The following NSD3 variants were observed in gnomAD, a reference collection of about 807,000 sequenced individuals.
NSD3 encodes nuclear receptor binding SET domain protein 3.
Under a neutral mutation model 160.8 loss-of-function variants are expected in NSD3, and 24 were observed. The ratio of observed to expected loss-of-function variants is 0.15; its 90% CI spans 0.11 to 0.21. The LOEUF is 0.21. Among genes scored for constraint, NSD3 ranks in the 10% least tolerant of loss-of-function variants. The pLI, the probability that NSD3 is intolerant of heterozygous loss-of-function variation, is 1.00. For missense variants in NSD3, 1,157 were observed against 1,735.9 expected, an observed-to-expected ratio of 0.67 and a Z score of 5.93; for synonymous variants, 520 against 600.0, an observed-to-expected ratio of 0.87 and a Z score of 1.95.
chr8:38,376,702 G>A (rs1448255369), intron 1 of NSD3, among the ~76,000 whole-genome samples: 1 of 152,184 alleles, frequency 6.6e-6, no homozygotes, highest in African/African-American at 2.4e-5. Flanking sequence ...CCCGCAAAGT[G>A]CTGGGGTTAC....
intron 20 of NSD3, among the ~76,000 whole-genome samples, chr8:38,280,520 T>C (rs1353399128): frequency 6.6e-6 from 1 of 152,232 alleles, no homozygotes; most frequent in Non-Finnish European, 1.5e-5. Flanking sequence ...AGAGATATGA[T>C]AGCCTAGAAC....
chr8:38,327,143 G>C (rs1191475064), intron 6 of NSD3, among the ~76,000 whole-genome samples: 3 of 151,150 alleles, frequency 2.0e-5, no homozygotes. Context: ...CTACCACCTG[G>C]GTTCAAGTGA....
rs746738836 is a variant in NSD3, at chr8:38,329,735, C to A, written c.1224G>T (p.Lys408Asn). The A allele has an allele frequency of 3.7e-6, 6 of 1,614,152 alleles. No individual in the cohort carries two copies. The Admixed American group carries it at 6.7e-5, about 18-fold the overall frequency. ...TAACTTCGGTTTTGGAGGCAACACTCTTTTTTGCTTGGGATAAAGCCTCTT... is the reference window on the plus strand; with the variant it reads ...TAACTTCGGTTTTGGAGGCAACACTATTTTTTGCTTGGGATAAAGCCTCTT... ...QPEEALSQAK[K>N]SVASKTEVKK... Residue 408 changes from lysine (K) to asparagine (N), a missense_variant, in exon 6 of 24, where the codon AAG (lysine) becomes AAT (asparagine). Around this residue, in one of 10 missense-constraint regions of NSD3, gnomAD observed 168 missense variants for 208.1 expected, o/e 0.81. Coordinates refer to ENST00000317025, the MANE Select transcript of NSD3 (RefSeq NM_023034.2). This position sits in a 1 kb window ranked among gnomAD's most constrained non-coding sequence, Gnocchi z 4.8.
At chr8:38,358,776 G>A (rs1810885983) in intron 1 of NSD3, among the ~76,000 whole-genome samples, 1 of 151,948 alleles carries the variant, frequency 6.6e-6, no homozygotes, top group African/African-American at 2.4e-5. Flanking sequence ...TACACGCAAA[G>A]CCCCCCTAAA....
intron 12 of NSD3, among the ~76,000 whole-genome samples, chr8:38,307,848 G>A (rs1298766348): frequency 6.6e-6 from 1 of 151,994 alleles, no homozygotes; most frequent in Non-Finnish European, 1.5e-5. Context: ...AAAACAATGT[G>A]GTTATGTTTT....
At chr8:38,337,957 A>T (rs1402765385) in intron 3 of NSD3, among the ~76,000 whole-genome samples, 4 of 152,206 alleles carry the variant, frequency 2.6e-5, no homozygotes, top group African/African-American at 7.2e-5. Flanking sequence ...CAAATACTGA[A>T]GATAGGATTG....
intron 16 of NSD3, among the ~76,000 whole-genome samples, chr8:38,291,961 T>C (rs1432813296): frequency 6.6e-6 from 1 of 152,242 alleles, no homozygotes; most frequent in African/African-American, 2.4e-5. Flanking sequence ...CTGACCTAGA[T>C]ATAAGATCTC....
At chr8:38,305,112 G>T in intron 13 of NSD3, 136 bp downstream of exon 13, 1 of 843,604 alleles carries the variant, frequency 1.2e-6, no homozygotes, top group Non-Finnish European at 1.8e-6. Flanking sequence ...TACTGTGTAT[G>T]TACTGTGGCT....
chr8:38,289,996 G>A (rs1808962477), intron 17 of NSD3, among the ~76,000 whole-genome samples: 2 of 152,060 alleles, frequency 1.3e-5, no homozygotes, highest in Non-Finnish European at 2.9e-5. Flanking sequence ...TGGGCAGATC[G>A]CTTGAACCCA....
intron 1 of NSD3, among the ~76,000 whole-genome samples, chr8:38,359,541 C>G (rs1226085188): frequency 6.6e-6 from 1 of 152,146 alleles, no homozygotes; most frequent in Non-Finnish European, 1.5e-5. Flanking sequence ...AAACCAACCA[C>G]CTGGTTCTAA....
intron 1 of NSD3, among the ~76,000 whole-genome samples, chr8:38,372,335 G>C (rs1811266147): frequency 6.6e-6 from 1 of 151,924 alleles, no homozygotes; most frequent in African/African-American, 2.4e-5. Flanking sequence ...GTTATTCATC[G>C]GTAAGGTACT....
chr8:38,298,461 CA>C (rs1292129579), intron 15 of NSD3, among the ~76,000 whole-genome samples: 7 of 152,072 alleles, frequency 4.6e-5, no homozygotes, highest in African/African-American at 1.7e-4. Context: ...AGATGTCTGA[CA>C]AAGAGCAAAG....
At chr8:38,309,334 G>A (rs946806578) in intron 12 of NSD3, among the ~76,000 whole-genome samples, 2 of 152,080 alleles carry the variant, frequency 1.3e-5, no homozygotes, top group South Asian at 2.1e-4. Context: ...CGGGCGTGGT[G>A]GTGTGTGCTT....
Position 38,317,264 on chromosome 8 carries a change from A to C in NSD3, c.1856-1222T>G. On this transcript the variant is annotated intron_variant, in intron 9 of 23. Coordinates refer to ENST00000317025, the MANE Select transcript of NSD3 (RefSeq NM_023034.2). The surrounding 1 kb of genome is among the most constrained non-coding windows in gnomAD (Gnocchi z 5.3). Reference sequence around the variant, plus strand: ...CAAGTTTTTCACTGAATGTTTCCTGACATCTATAAATGAGGGTGCCTGCCC... The same window carrying C: ...CAAGTTTTTCACTGAATGTTTCCTGCCATCTATAAATGAGGGTGCCTGCCC... 1 of 1,061,092 alleles carries C rather than the reference A, an allele frequency of 9.4e-7. No individual in the cohort carries two copies. The highest frequency in any genetic ancestry group is 1.1e-6 in the Non-Finnish European group (1 of 876,462). The allele number at this position is 1,061,092 out of a possible 1,614,324, so 65.7% of individuals were successfully genotyped here.
At chr8:38,280,152 T>C (rs985863207) in intron 20 of NSD3, 1 of 156,272 alleles carries the variant, frequency 6.4e-6, no homozygotes, top group Admixed American at 6.2e-5. Context: ...AGCTGTCTGA[T>C]GGAAGGACTA....
chr8:38,288,421 C>T lies in NSD3; in HGVS notation c.3501+66G>A. ...CTGATTTTATCCCTAGAACTATACC[C>T]TACTGAAGCATTCCTGAAAAGCCAG... On this transcript the variant is annotated intron_variant, in intron 19 of 23. Transcript: ENST00000317025. This position sits in a 1 kb window ranked among gnomAD's most constrained non-coding sequence, Gnocchi z 4.5. 1 of 1,569,430 alleles carries T rather than the reference C, an allele frequency of 6.4e-7. No homozygotes were observed. Among genetic ancestry groups the T allele is most frequent in the Non-Finnish European group, 8.6e-7 (1 of 1,156,256 alleles).
intron 19 of NSD3, among the ~76,000 whole-genome samples, chr8:38,283,077 C>T (rs897111873): frequency 4.6e-5 from 7 of 152,138 alleles, no homozygotes; most frequent in Admixed American, 2.0e-4. Context: ...TCGTTATGTT[C>T]CCACCAGCAG....
intron 2 of NSD3, among the ~76,000 whole-genome samples, chr8:38,339,977 C>T (rs1810320067): frequency 6.6e-6 from 1 of 151,878 alleles, no homozygotes; most frequent in African/African-American, 2.4e-5. Context: ...TTTATACATG[C>T]CTTGAAAATA....
chr8:38,302,643 G>C (rs571689621), intron 14 of NSD3, among the ~76,000 whole-genome samples: 1 of 152,310 alleles, frequency 6.6e-6, no homozygotes, highest in Non-Finnish European at 1.5e-5. Context: ...AGTGGCTAGA[G>C]TTTCTATAAG....
Sources: allele counts gnomAD v4.1 joint callset (sites outside exome capture counted in the v4.1 genomes callset), GRCh38; gene constraint gnomAD v4.1.1; regional missense constraint gnomAD v4.1.1; non-coding constraint Gnocchi (gnomAD v3.1); transcripts MANE v1.5; gene names NCBI Gene and HGNC (gene_info 2026-07-23, HGNC 2026-07-21).